Variants in SPTBN4 observed in about 807,000 individuals in gnomAD.
The protein encoded by SPTBN4 is spectrin beta, non-erythrocytic 4.
SPTBN4 carries 96 observed loss-of-function variants against 277.8 expected under a neutral mutation model. The ratio of observed to expected loss-of-function variants is 0.35; its 90% confidence interval spans 0.29 to 0.41. SPTBN4 has a LOEUF of 0.41. Ranked by LOEUF, SPTBN4 falls within the 10% of genes least tolerant of loss-of-function variation. The probability of loss-of-function intolerance (pLI) is 1.00; values close to 1 mark genes in which losing one functional copy is unlikely to be tolerated. For synonymous variants in SPTBN4, 1,481 were observed against 1,580.3 expected (o/e 0.94, Z 1.49); for missense variants, 3,006 against 3,595.7 (o/e 0.84, Z 4.19).
chr19:40,534,654 G>T, intron 20 of SPTBN4: 1 of 377,068 alleles, frequency 2.7e-6, no homozygotes, highest in Non-Finnish European at 5.0e-6. Context: ...AGAAACCAAG[G>T]CTCAGGGGTA....
Position 40,575,546 on chromosome 19 carries a change from A to C in SPTBN4, c.7672A>C (p.Arg2558=). 6.2e-7 allele frequency: 1 copy of C among 1,611,972 alleles called. No individual in the cohort carries two copies. The change falls in exon 36 of 36, where the codon AGG becomes CGG. Residue 2558 remains arginine (R), a synonymous_variant. Transcript: ENST00000598249. ...GNPKREGGDR[R]ASGRRK is the part of the protein sequence containing the mutation. ...CCCTAAGAGGGAAGGCGGAGATCGC[A>C]GGGCCAGCGGGCGCAGGAAGTGACT...
At chr19:40,509,579 C>G (rs1160104034) in intron 13 of SPTBN4, among the ~76,000 whole-genome samples, 1 of 152,170 alleles carries the variant, frequency 6.6e-6, no homozygotes, top group Non-Finnish European at 1.5e-5. Context: ...AACACGATGG[C>G]TAGCCCTGAG....
rs56045928 is a variant in SPTBN4 at position 40,555,489 on chromosome 19, C to CA, written c.5085-576dup. 5.5e-3 allele frequency among the ~76,000 whole-genome samples: 408 copies of CA among 74,720 alleles called. 3 individuals are homozygous for CA. The highest frequency in any genetic ancestry group is 0.03 in the East Asian group (58 of 1,942). The allele number at this position is 74,720 out of a possible 152,430, so 49.0% of individuals were successfully genotyped here. A position where few individuals can be genotyped will look rare whatever the true frequency, so the allele number is the denominator to read the frequency against. On this transcript the variant is annotated intron_variant, in intron 24 of 35. Transcript: ENST00000598249. Reference sequence around the variant, plus strand: ...CTGGTGACAGAGCAAGACTCCGTCTCAAAAAAAAAAAAAAAAAAAGAAAAG... The same window carrying CA: ...CTGGTGACAGAGCAAGACTCCGTCTCAAAAAAAAAAAAAAAAAAAAGAAAAG...
chr19:40,536,168 G>A (rs777774443), intron 20 of SPTBN4, among the ~76,000 whole-genome samples: 2 of 151,504 alleles, frequency 1.3e-5, no homozygotes, highest in Non-Finnish European at 2.9e-5. Context: ...TTTTCCCTCC[G>A]CTCCCCTCCC....
rs1417515574 is a variant in SPTBN4, at chr19:40,568,205, C to CGAGCGGCGT, written c.6888_6896dup (p.Glu2297_Arg2299dup). 1.9e-6 allele frequency: 3 copies of CGAGCGGCGT among 1,598,608 alleles called. No homozygotes were observed. Among genetic ancestry groups the CGAGCGGCGT allele is most frequent in the African/African-American group, 2.7e-5 (2 of 74,598 alleles). On this transcript the variant is annotated inframe_insertion, in exon 31 of 36. Coordinates refer to ENST00000598249, the MANE Select transcript of SPTBN4 (RefSeq NM_020971.3). ...GCTATGAGCAGATGGAGCGGCGGCG[C>CGAGCGGCGT]GAGCGGCGTGAGCGGCGCTTGGAGC...
At chr19:40,563,453 T>C (rs2081062854) in intron 27 of SPTBN4, among the ~76,000 whole-genome samples, 1 of 152,100 alleles carries the variant, frequency 6.6e-6, no homozygotes, top group South Asian at 2.1e-4. Context: ...GCGAGCCACA[T>C]ATATACTTTA....
rs780433103 is a variant in SPTBN4 at position 40,502,445 on chromosome 19, C to T, written c.1141C>T (p.Arg381Cys). 16 of 1,613,424 alleles carry T rather than the reference C, an allele frequency of 9.9e-6. No homozygotes were observed. Among genetic ancestry groups the T allele is most frequent in the South Asian group, 3.3e-5 (3 of 91,074 alleles). Reference sequence around the variant, plus strand: ...GCTCTTCAGCATCCAGAGCAAACTGCGTGCCTGCAACCGTCGCCTCTTTGT... The same window carrying T: ...GCTCTTCAGCATCCAGAGCAAACTGTGTGCCTGCAACCGTCGCCTCTTTGT... The part of the protein sequence containing the change: ...VLLFSIQSKL[R>C]ACNRRLFVPR... Residue 381 changes from arginine to cysteine, a missense_variant, in exon 10 of 36, where the codon CGT becomes TGT. Around this residue, in one of 5 missense-constraint regions of SPTBN4, gnomAD observed 1,759 missense variants for 2,061.5 expected, o/e 0.85. Transcript: ENST00000598249. This position sits in a 1 kb window ranked among gnomAD's most constrained non-coding sequence, Gnocchi z 4.9.
chr19:40,532,489 G>A (rs2080687622), intron 18 of SPTBN4, 136 bp from the exon 19 acceptor site: 11 of 1,171,748 alleles, frequency 9.4e-6, no homozygotes, highest in Admixed American at 3.1e-5. Flanking sequence ...ACTTGCAAAG[G>A]TTTTTTCATC....
chr19:40,501,021 G>C (rs1489238181), intron 7 of SPTBN4, among the ~76,000 whole-genome samples: 1 of 152,046 alleles, frequency 6.6e-6, no homozygotes, highest in Non-Finnish European at 1.5e-5. Context: ...ATGCTAAGAG[G>C]AGAATAACAT....
At chr19:40,480,878 T>C (rs1038342320) in intron 2 of SPTBN4, among the ~76,000 whole-genome samples, 7 of 151,978 alleles carry the variant, frequency 4.6e-5, no homozygotes, top group Admixed American at 1.3e-4. Context: ...GCCTGGGCAA[T>C]ACAGTGAGAC....
intron 20 of SPTBN4, among the ~76,000 whole-genome samples, chr19:40,548,098 C>T (rs1013644581): frequency 5.3e-5 from 8 of 152,232 alleles, no homozygotes; most frequent in Non-Finnish European, 8.8e-5. Flanking sequence ...ACCTATGAAA[C>T]ACATGAATTT....
At chr19:40,511,181 G>A (rs754877365) in intron 13 of SPTBN4, among the ~76,000 whole-genome samples, 18 of 152,120 alleles carry the variant, frequency 1.2e-4, no homozygotes, top group East Asian at 9.7e-4. Context: ...TGAGGGGGGC[G>A]GATCATGAGG....
At chr19:40,569,964 A>C (rs2081135698) in intron 32 of SPTBN4, among the ~76,000 whole-genome samples, 1 of 147,104 alleles carries the variant, frequency 6.8e-6, no homozygotes, top group Non-Finnish European at 1.5e-5. Context: ...ACACACACAC[A>C]CACACACACA....
intron 1 of SPTBN4, among the ~76,000 whole-genome samples, chr19:40,470,911 A>G (rs1172125044): frequency 1.3e-5 from 2 of 151,292 alleles, no homozygotes; most frequent in African/African-American, 2.4e-5. Flanking sequence ...GATTACAGGC[A>G]GGACCCACTG....
chr19:40,486,598 C>G (rs1368055158), intron 2 of SPTBN4, among the ~76,000 whole-genome samples: 2 of 152,102 alleles, frequency 1.3e-5, no homozygotes, highest in Non-Finnish European at 1.5e-5. Context: ...GTCTCAAACT[C>G]CTGTACTCCA....
Position 40,504,149 on chromosome 19 carries a change from G to GCCCA in SPTBN4, c.1665+17_1665+18insCCCA. The GCCCA allele has an allele frequency of 1.5e-5, 16 of 1,080,326 alleles. No homozygotes were observed. Among genetic ancestry groups the GCCCA allele is most frequent in the African/African-American group, 3.9e-5 (2 of 51,762 alleles). The allele number at this position is 1,080,326 out of a possible 1,614,324, so 66.9% of individuals were successfully genotyped here. ...GAGATGCAGGTGCCGGCGGGGGGGC[G>GCCCA]GGGATGCGGGTGGAGTGCCAGGAGG... On this transcript the variant is annotated intron_variant, in intron 12 of 35. Transcript: ENST00000598249.
rs200649134 is a variant in SPTBN4, at chr19:40,504,143, G to T, written c.1665+11G>T. 1.1e-3 allele frequency: 1,456 copies of T among 1,268,480 alleles called. 132 individuals are homozygous for T. The highest frequency in any genetic ancestry group is 1.4e-3 in the Non-Finnish European group (1,285 of 898,122). 78.6% of individuals were successfully genotyped at this position (1,268,480 alleles called of 1,614,324 possible). ...ATGGAGGAGATGCAGGTGCCGGCGG[G>T]GGGGCGGGGATGCGGGTGGAGTGCC... is the stretch of plus-strand genomic sequence containing the variant. On this transcript the variant is annotated intron_variant, in intron 12 of 35. Coordinates refer to ENST00000598249, the MANE Select transcript of SPTBN4 (RefSeq NM_020971.3).
intron 32 of SPTBN4, among the ~76,000 whole-genome samples, chr19:40,570,089 G>A (rs148895419): frequency 6.4e-4 from 97 of 151,260 alleles, no homozygotes; most frequent in African/African-American, 2.1e-3. Flanking sequence ...TCAGCTCAGT[G>A]GGGTCCCAAA....
intron 6 of SPTBN4, 28 bp from the exon 7 acceptor site, chr19:40,497,461 T>C: frequency 6.4e-7 from 1 of 1,567,354 alleles, no homozygotes; most frequent in Non-Finnish European, 8.8e-7. Context: ...GCCTGCCTGC[T>C]GCCTGCCTGC....
Sources: gnomAD v4.1 joint callset for allele counts (sites outside exome capture counted in the v4.1 genomes callset) on GRCh38, gnomAD v4.1.1 for gene constraint, gnomAD v4.1.1 regional missense constraint, Gnocchi (gnomAD v3.1) non-coding constraint, MANE v1.5 for transcripts, NCBI Gene and HGNC (gene_info 2026-07-23, HGNC 2026-07-21) for gene names.